The following CSMD1 variants were observed in gnomAD, a reference collection of about 807,000 sequenced individuals.
The protein encoded by CSMD1 is CUB and sushi domain-containing protein 1.
Under a neutral mutation model 417.5 loss-of-function variants are expected in CSMD1, and 213 were observed. The ratio of observed to expected loss-of-function variants is 0.51; its 90% CI spans 0.46 to 0.57. The LOEUF is 0.57. Ranked by LOEUF, CSMD1 falls within the 20% of genes least tolerant of loss-of-function variation. CSMD1 has a pLI of 0.00. For missense variants in CSMD1, 6,923 were observed against 4,529.7 expected, an observed-to-expected ratio of 1.53 and a Z score of -15.17; for synonymous variants, 2,862 against 1,736.8, an observed-to-expected ratio of 1.65 and a Z score of -16.11.
intron 3 of CSMD1, among the ~76,000 whole-genome samples, chr8:4,403,953 A>T (rs1187741976): frequency 6.6e-6 from 1 of 152,052 alleles, no homozygotes; most frequent in African/African-American, 2.4e-5. Flanking sequence ...CTCTTTCAAA[A>T]CCTTTGGCAT....
At chr8:4,923,514 A>G (rs576269170) in intron 1 of CSMD1, among the ~76,000 whole-genome samples, 49 of 141,882 alleles carry the variant, frequency 3.5e-4, no homozygotes, top group African/African-American at 1.2e-3. Flanking sequence ...ATAAATAAAC[A>G]CACATATATA....
chr8:4,260,790 G>A (rs911574006), intron 3 of CSMD1, among the ~76,000 whole-genome samples: 4 of 152,088 alleles, frequency 2.6e-5, no homozygotes, highest in South Asian at 4.1e-4. Flanking sequence ...CTTGAGCACT[G>A]TCACCTCTCC....
At chr8:3,764,420 T>A (rs902175385) in intron 5 of CSMD1, among the ~76,000 whole-genome samples, 4 of 152,136 alleles carry the variant, frequency 2.6e-5, no homozygotes, top group Non-Finnish European at 4.4e-5. Context: ...AAACAACGTA[T>A]GAGTGTGAGA....
chr8:4,449,522 C>T (rs759376089), intron 2 of CSMD1, among the ~76,000 whole-genome samples: 2 of 152,118 alleles, frequency 1.3e-5, no homozygotes, highest in Non-Finnish European at 2.9e-5. Flanking sequence ...TGTCTTTAGG[C>T]TGTGTCTGTG....
rs1187038857 is a variant in CSMD1 at position 2,938,023 on chromosome 8, G to T, written c.*562C>A. On this transcript the variant is annotated 3_prime_UTR_variant, in exon 70 of 70. Transcript: ENST00000635120. ...GATGAACACACAGGGGAGCTGTGAG[G>T]TCCTCAAAGCTTGTCAGGTCTCGGA... The T allele has an allele frequency of 2.6e-5, 4 of 152,690 alleles. No individual in the cohort carries two copies. The highest frequency in any genetic ancestry group is 7.2e-5 in the African/African-American group (3 of 41,468). The allele number at this position is 152,690 out of a possible 1,614,324, so 9.5% of individuals were successfully genotyped here.
intron 3 of CSMD1, among the ~76,000 whole-genome samples, chr8:4,190,548 T>A (rs1798964365): frequency 6.6e-6 from 1 of 151,730 alleles, no homozygotes; most frequent in African/African-American, 2.4e-5. Context: ...ATAAGCTTTT[T>A]TTTTTTTAAC....
intron 5 of CSMD1, among the ~76,000 whole-genome samples, chr8:3,780,402 A>G (rs1404504177): frequency 1.3e-5 from 2 of 152,204 alleles, no homozygotes; most frequent in African/African-American, 4.8e-5. Context: ...TCGCCTTTTC[A>G]GCACACATTA....
chr8:4,943,368 C>G (rs980110333), intron 1 of CSMD1, among the ~76,000 whole-genome samples: 9 of 151,768 alleles, frequency 5.9e-5, no homozygotes, highest in African/African-American at 2.2e-4. Context: ...TGGTGGTGGA[C>G]GCCTGTAGTC....
chr8:3,639,727 T>C (rs574123650), intron 7 of CSMD1, among the ~76,000 whole-genome samples: 1 of 152,330 alleles, frequency 6.6e-6, no homozygotes, highest in South Asian at 2.1e-4. Flanking sequence ...TTCTCAATGA[T>C]TTTTCTTTTG....
rs1206213666 is a variant in CSMD1 at position 3,629,415 on chromosome 8, A to G, written c.1010-12618T>C. Among the ~76,000 whole-genome samples the G allele has an allele frequency of 2.0e-5, 3 of 152,288 alleles. No homozygotes were observed. In the East Asian group the frequency reaches 5.8e-4, roughly 29 times the overall value. ...AGTTATTGTTGGAAATTTTATATATAAGGGCTTTCTCCCTTAAAATATCAA... is the reference window on the plus strand; with the variant it reads ...AGTTATTGTTGGAAATTTTATATATGAGGGCTTTCTCCCTTAAAATATCAA... On this transcript the variant is annotated intron_variant, in intron 7 of 69. Transcript: ENST00000635120.
chr8:3,764,071 C>T (rs1019227739), intron 5 of CSMD1, among the ~76,000 whole-genome samples: 1 of 152,096 alleles, frequency 6.6e-6, no homozygotes, highest in South Asian at 2.1e-4. Flanking sequence ...CACAGGCTCT[C>T]AGATGTATAT....
chr8:4,311,481 A>C (rs1798565269), intron 3 of CSMD1, among the ~76,000 whole-genome samples: 1 of 152,144 alleles, frequency 6.6e-6, no homozygotes, highest in African/African-American at 2.4e-5. Context: ...CCAGCATTTC[A>C]GAAGGCCAAG....
At chr8:3,734,907 T>G (rs150014946) in intron 6 of CSMD1, among the ~76,000 whole-genome samples, 1 of 152,254 alleles carries the variant, frequency 6.6e-6, no homozygotes, top group African/African-American at 2.4e-5. Context: ...CCGTTTCCAG[T>G]TAGAGACATA....
intron 10 of CSMD1, among the ~76,000 whole-genome samples, chr8:3,531,852 GC>G (rs1198082282): frequency 6.6e-6 from 1 of 152,154 alleles, no homozygotes; most frequent in African/African-American, 2.4e-5. Context: ...GCTACGTGGG[GC>G]CAGGCCGGTC....
intron 1 of CSMD1, among the ~76,000 whole-genome samples, chr8:4,796,883 C>T (rs1798009400): frequency 6.6e-6 from 1 of 152,184 alleles, no homozygotes; most frequent in Non-Finnish European, 1.5e-5. Context: ...CACATATGCA[C>T]ACAACTGAAA....
intron 5 of CSMD1, among the ~76,000 whole-genome samples, chr8:3,962,509 C>G (rs1333502843): frequency 6.6e-6 from 1 of 152,126 alleles, no homozygotes; most frequent in Non-Finnish European, 1.5e-5. Context: ...GCAGGAACCC[C>G]TATATTAACG....
chr8:4,661,024 G>A (rs1007669974), intron 1 of CSMD1, among the ~76,000 whole-genome samples: 1 of 152,134 alleles, frequency 6.6e-6, no homozygotes, highest in African/African-American at 2.4e-5. Flanking sequence ...TGGTTGGAAT[G>A]CAAAATGGCA....
intron 3 of CSMD1, among the ~76,000 whole-genome samples, chr8:4,330,967 C>T (rs1034468896): frequency 2.6e-5 from 4 of 152,044 alleles, no homozygotes; most frequent in African/African-American, 9.7e-5. Context: ...AATGCAAGAC[C>T]CCCCGACATA....
Position 3,371,513 on chromosome 8 carries a change from G to A in CSMD1, c.2783-2143C>T, listed in dbSNP as rs139994665. Among the ~76,000 whole-genome samples the A allele has an allele frequency of 5.3e-5, 8 of 150,306 alleles. No homozygotes were observed. In the South Asian group the frequency reaches 1.7e-3, roughly 31 times the overall value. ...TTTAACATGCCCACATTCTGTGCATGTATATATTTATACTTCTTTTCTTAA... is the reference window on the plus strand; with the variant it reads ...TTTAACATGCCCACATTCTGTGCATATATATATTTATACTTCTTTTCTTAA... On this transcript the variant is annotated intron_variant, in intron 18 of 69. Transcript: ENST00000635120.
Sources: allele counts gnomAD v4.1 joint callset (sites outside exome capture counted in the v4.1 genomes callset), GRCh38; gene constraint gnomAD v4.1.1; transcripts MANE v1.5; gene names NCBI Gene and HGNC (gene_info 2026-07-23, HGNC 2026-07-21).